TMEM117: variants seen among roughly 807,000 people sequenced by gnomAD.
TMEM117 encodes transmembrane protein 117.
Under a neutral mutation model 52.4 loss-of-function variants are expected in TMEM117, and 27 were observed. The observed-to-expected ratio is 0.51, with a 90% CI of 0.38 to 0.71. The LOEUF (loss-of-function observed/expected upper bound fraction) is 0.71, where lower values mean the gene tolerates loss of function less well. TMEM117 is among the 30% of genes least tolerant of loss of function. The probability of loss-of-function intolerance (pLI) is 0.00; values close to 1 mark genes in which losing one functional copy is unlikely to be tolerated. For missense variants in TMEM117, 556 were observed against 630.5 expected, an observed-to-expected ratio of 0.88 and a Z score of 1.26; for synonymous variants, 215 against 206.3, an observed-to-expected ratio of 1.04 and a Z score of -0.36.
intron 1 of TMEM117, among the ~76,000 whole-genome samples, chr12:43,842,037 A>T (rs1418648731): frequency 2.0e-5 from 3 of 151,992 alleles, no homozygotes; most frequent in African/African-American, 7.2e-5. Context: ...TTTCTTTTTC[A>T]TGACTCACTG....
intron 2 of TMEM117, among the ~76,000 whole-genome samples, chr12:43,891,295 T>A (rs903830994): frequency 2.0e-5 from 3 of 151,810 alleles, no homozygotes; most frequent in Admixed American, 2.0e-4. Context: ...GAGCTTACAG[T>A]CTTAACTTTT....
rs547645888 is a variant in TMEM117 at position 43,954,197 on chromosome 12, G to A, written c.410+9855G>A. ...TAGCACTAAATGCCCACATGAAAAA[G>A]CTAGAAAGATCTCAAATTGACACCC... On this transcript the variant is annotated intron_variant, in intron 3 of 7. Transcript: ENST00000266534. Among the ~76,000 whole-genome samples the A allele has an allele frequency of 1.4e-4, 21 of 152,240 alleles. No homozygotes were observed. In the South Asian group the frequency reaches 4.1e-3, roughly 30 times the overall value.
At chr12:43,852,959 C>T (rs1188520016) in intron 2 of TMEM117, among the ~76,000 whole-genome samples, 2 of 152,224 alleles carry the variant, frequency 1.3e-5, no homozygotes, top group Admixed American at 6.5e-5. Flanking sequence ...TATTACTTAG[C>T]TGAAACTGGA....
At chr12:43,963,464 A>C (rs1945436681) in intron 3 of TMEM117, among the ~76,000 whole-genome samples, 1 of 152,180 alleles carries the variant, frequency 6.6e-6, no homozygotes. Context: ...CATTTCATAG[A>C]ATAGATCTTA....
At chr12:43,856,826 A>C (rs1943408324) in intron 2 of TMEM117, among the ~76,000 whole-genome samples, 1 of 152,228 alleles carries the variant, frequency 6.6e-6, no homozygotes, top group Non-Finnish European at 1.5e-5. Flanking sequence ...AAAAAAATAA[A>C]AAAGCAGTTC....
chr12:43,813,258 T>C, the TMEM117 span, among the ~76,000 whole-genome samples: 2 of 133,890 alleles, frequency 1.5e-5, no homozygotes, highest in Admixed American at 7.5e-5. Flanking sequence ...TTTTTTTTTT[T>C]TCTGAGACAG....
At chr12:44,099,007 CA>C (rs1947819501) in intron 3 of TMEM117, among the ~76,000 whole-genome samples, 1 of 152,018 alleles carries the variant, frequency 6.6e-6, no homozygotes, top group Non-Finnish European at 1.5e-5. Context: ...GGGGATGGAG[CA>C]GTCTCATGAT....
At chr12:43,923,020 AC>A (rs1565752845) in intron 2 of TMEM117, among the ~76,000 whole-genome samples, 3 of 152,206 alleles carry the variant, frequency 2.0e-5, no homozygotes, top group Non-Finnish European at 4.4e-5. Context: ...TAGGTTGGAC[AC>A]ACCTCTGCTG....
chr12:44,040,628 A>G (rs1215486761), intron 3 of TMEM117, among the ~76,000 whole-genome samples: 5 of 152,188 alleles, frequency 3.3e-5, no homozygotes, highest in East Asian at 1.9e-4. Flanking sequence ...TACACTTTAT[A>G]TCTTATTCCT....
intron 6 of TMEM117, among the ~76,000 whole-genome samples, chr12:44,310,542 G>A (rs1409434876): frequency 6.6e-6 from 1 of 152,220 alleles, no homozygotes; most frequent in Non-Finnish European, 1.5e-5. Context: ...GGAGGCTGAG[G>A]CAGGAGTATA....
At chr12:44,262,947 CTAAG>C (rs1359362496) in intron 5 of TMEM117, among the ~76,000 whole-genome samples, 1 of 152,178 alleles carries the variant, frequency 6.6e-6, no homozygotes, top group Non-Finnish European at 1.5e-5. Context: ...AGAATGGAAA[CTAAG>C]TAAGAAAAAT....
chr12:44,231,973 G>A (rs1416470731), intron 5 of TMEM117, among the ~76,000 whole-genome samples: 1 of 151,576 alleles, frequency 6.6e-6, no homozygotes, highest in African/African-American at 2.4e-5. Flanking sequence ...ACTTTGGTAA[G>A]TCATTAAACT....
chr12:43,821,108 A>G, the TMEM117 span, among the ~76,000 whole-genome samples: 1 of 149,188 alleles, frequency 6.7e-6, no homozygotes, highest in Admixed American at 6.7e-5. Flanking sequence ...TTAAAAAAAA[A>G]AAAAAGAAAA....
Position 43,891,412 on chromosome 12 carries a change from A to T in TMEM117, c.277+46484A>T, listed in dbSNP as rs540391974. Among the ~76,000 whole-genome samples the T allele has an allele frequency of 3.6e-3, 330 of 91,756 alleles. 2 individuals are homozygous for T. Among genetic ancestry groups the T allele is most frequent in the Middle Eastern group, 0.013 (1 of 80 alleles). 60.2% of individuals were successfully genotyped at this position (91,756 alleles called of 152,430 possible). A position where few individuals can be genotyped will look rare whatever the true frequency, so the allele number is the denominator to read the frequency against. ...TTTTGAGATGGAGTCTCACCCTGTCACCCAGGCTGGAGTGCAGTGGCGTGA... is the reference window on the plus strand; with the variant it reads ...TTTTGAGATGGAGTCTCACCCTGTCTCCCAGGCTGGAGTGCAGTGGCGTGA... On this transcript the variant is annotated intron_variant, in intron 2 of 7. Transcript: ENST00000266534.
intron 6 of TMEM117, among the ~76,000 whole-genome samples, chr12:44,374,593 G>T (rs1350431858): frequency 2.0e-5 from 3 of 151,258 alleles, no homozygotes; most frequent in Admixed American, 2.0e-4. Flanking sequence ...GAAAGTACAG[G>T]TGGGAAATAA....
chr12:44,090,277 A>G (rs1210988765), intron 3 of TMEM117, among the ~76,000 whole-genome samples: 3 of 152,186 alleles, frequency 2.0e-5, no homozygotes, highest in Non-Finnish European at 1.5e-5. Context: ...TTGTCACTCA[A>G]GTAGTAAACA....
intron 5 of TMEM117, among the ~76,000 whole-genome samples, chr12:44,268,896 C>A (rs1384349225): frequency 1.3e-5 from 2 of 152,142 alleles, no homozygotes; most frequent in Non-Finnish European, 2.9e-5. Context: ...ACAGTTCCCT[C>A]CTCCCTTAAG....
intron 3 of TMEM117, among the ~76,000 whole-genome samples, chr12:44,081,117 A>G (rs938194685): frequency 5.3e-5 from 8 of 152,234 alleles, no homozygotes; most frequent in African/African-American, 1.9e-4. Context: ...CATTTGCATG[A>G]CATGAAATAG....
At chr12:44,299,063 T>C (rs1187714200) in intron 5 of TMEM117, among the ~76,000 whole-genome samples, 2 of 150,676 alleles carry the variant, frequency 1.3e-5, no homozygotes, top group Non-Finnish European at 2.9e-5. Flanking sequence ...TGTTGTTAAT[T>C]ATTTGTTCCA....
Sources: gnomAD v4.1 joint callset for allele counts (sites outside exome capture counted in the v4.1 genomes callset) on GRCh38, gnomAD v4.1.1 for gene constraint, MANE v1.5 for transcripts, NCBI Gene and HGNC (gene_info 2026-07-23, HGNC 2026-07-21) for gene names.